ITPA: variants seen among roughly 807,000 people sequenced by gnomAD.
ITPA encodes inosine triphosphatase.
A neutral mutation model predicts 29.6 loss-of-function variants in ITPA; 29 were observed. The observed-to-expected ratio is 0.98, with a 90% CI of 0.73 to 1.34. The LOEUF (loss-of-function observed/expected upper bound fraction) is 1.34. Among genes scored for constraint, ITPA ranks in the 40% most tolerant of loss-of-function variants. The pLI, the probability that ITPA is intolerant of heterozygous loss-of-function variation, is 0.00. For missense variants in ITPA, 241 were observed against 251.5 expected, an observed-to-expected ratio of 0.96 and a Z score of 0.28; for synonymous variants, 103 against 99.3, an observed-to-expected ratio of 1.04 and a Z score of -0.22.
chr20:3,224,173 C>A (rs984177282), downstream of ITPA, among the ~76,000 whole-genome samples: 2 of 152,182 alleles, frequency 1.3e-5, no homozygotes, highest in African/African-American at 4.8e-5. Context: ...ACATCAGAGC[C>A]GCGAAAATGT....
At chr20:3,219,573 C>G (rs953690223) in intron 6 of ITPA, among the ~76,000 whole-genome samples, 2 of 151,484 alleles carry the variant, frequency 1.3e-5, no homozygotes, top group Non-Finnish European at 2.9e-5. Flanking sequence ...AGCAAAACCC[C>G]GTCTCAACTA....
At chr20:3,224,443 C>G (rs1411096763), downstream of ITPA, among the ~76,000 whole-genome samples, 1 of 152,210 alleles carries the variant, frequency 6.6e-6, no homozygotes, top group East Asian at 1.9e-4. Flanking sequence ...TGGGGCACCC[C>G]CAGGCTTGCT....
upstream of ITPA, chr20:3,209,312 T>C: frequency 3.4e-6 from 2 of 588,074 alleles, no homozygotes; most frequent in Non-Finnish European, 6.1e-6. This position sits in a 1 kb window ranked among gnomAD's most constrained non-coding sequence, Gnocchi z 4.6. Context: ...TAGCGTCCCT[T>C]AGGCAGGAGG....
chr20:3,222,294 C>T (rs912285641), intron 7 of ITPA, among the ~76,000 whole-genome samples: 6 of 150,244 alleles, frequency 4.0e-5, no homozygotes, highest in Non-Finnish European at 2.9e-5. Context: ...GTGATCTCAA[C>T]TCACTGCACC....
At chr20:3,211,877 CA>C (rs2067184066) in intron 1 of ITPA, among the ~76,000 whole-genome samples, 1 of 152,108 alleles carries the variant, frequency 6.6e-6, no homozygotes, top group Admixed American at 6.6e-5. Flanking sequence ...TTCAAATGTA[CA>C]AAATAAAATA....
chr20:3,209,367 G>C, upstream of ITPA: 1 of 680,876 alleles, frequency 1.5e-6, no homozygotes, highest in East Asian at 2.7e-5. The surrounding 1 kb of genome is among the most constrained non-coding windows in gnomAD (Gnocchi z 4.6). Context: ...CCAGCAAATC[G>C]GACGCTGTGG....
At chr20:3,225,772 T>G (rs2067548019), downstream of ITPA, among the ~76,000 whole-genome samples, 1 of 152,214 alleles carries the variant, frequency 6.6e-6, no homozygotes, top group African/African-American at 2.4e-5. Flanking sequence ...CTCATGCCTG[T>G]AATCCCAGCA....
chr20:3,206,055 C>CAAA (rs537649838), upstream of ITPA, among the ~76,000 whole-genome samples: 1 of 58,842 alleles, frequency 1.7e-5, no homozygotes, highest in Non-Finnish European at 3.9e-5. Context: ...GACTCTGTCT[C>CAAA]AAAAAAAAAA....
intron 6 of ITPA, among the ~76,000 whole-genome samples, chr20:3,221,001 T>A (rs1401672612): frequency 1.3e-5 from 2 of 152,242 alleles, no homozygotes; most frequent in Non-Finnish European, 2.9e-5. Flanking sequence ...GCTCAAGCAG[T>A]CTTCCCACCA....
chr20:3,223,689 C>T lies in ITPA; in HGVS notation c.*227C>T. The stretch of plus-strand genomic sequence containing the variant: ...CCTTAGGATTCACTGCTCTCTCCTA[C>T]AGCCGCCAGGCCTGGGGTCCTGAAA... On this transcript the variant is annotated 3_prime_UTR_variant, in exon 8 of 8. Transcript: ENST00000380113. 3.4e-6 allele frequency: 2 copies of T among 585,286 alleles called. No individual in the cohort carries two copies. The highest frequency in any genetic ancestry group is 4.0e-5 in the South Asian group (2 of 50,484). The allele number at this position is 585,286 out of a possible 1,614,324, so 36.3% of individuals were successfully genotyped here. A position where few individuals can be genotyped will look rare whatever the true frequency, so the allele number is the denominator to read the frequency against.
rs374526154 is a variant in ITPA, at chr20:3,222,616, G to C, written c.488+699G>C. Among the ~76,000 whole-genome samples, 6 of 152,276 alleles carry C rather than the reference G, an allele frequency of 3.9e-5. No individual in the cohort carries two copies. In the South Asian group the frequency reaches 8.3e-4, roughly 21 times the overall value. ...ACTATTTTATGCCCTCCAAGTACCA[G>C]TTGTTCTCTGTAGTTCGCACAAATC... On this transcript the variant is annotated intron_variant, in intron 7 of 7. Transcript: ENST00000380113.
intron 1 of ITPA, among the ~76,000 whole-genome samples, chr20:3,210,512 G>A (rs1485544720): frequency 6.6e-6 from 1 of 152,216 alleles, no homozygotes; most frequent in Non-Finnish European, 1.5e-5. Context: ...CACTGGATAT[G>A]TCTGAGGCAG....
In ITPA at chr20:3,220,132, C is replaced by T. The variant is rs959815466; in HGVS notation, c.411+1500C>T. ...ATTCAACACCCCCTACTGCCTATCACTGCTCACGACAGCCTCCACCTCCCA... is the reference window on the plus strand; with the variant it reads ...ATTCAACACCCCCTACTGCCTATCATTGCTCACGACAGCCTCCACCTCCCA... On this transcript the variant is annotated intron_variant, in intron 6 of 7. Transcript: ENST00000380113. Among the ~76,000 whole-genome samples the T allele has an allele frequency of 1.1e-4, 17 of 151,960 alleles. No individual in the cohort carries two copies. In the East Asian group the frequency reaches 3.3e-3, roughly 29 times the overall value.
chr20:3,217,037 C>G (rs192034960), intron 5 of ITPA, among the ~76,000 whole-genome samples: 1 of 152,182 alleles, frequency 6.6e-6, no homozygotes, highest in East Asian at 1.9e-4. Context: ...CCCACCACCA[C>G]GCCTAGCTAA....
chr20:3,207,284 T>G (rs1015139828), upstream of ITPA, among the ~76,000 whole-genome samples: 4 of 152,098 alleles, frequency 2.6e-5, no homozygotes, highest in East Asian at 7.7e-4. Context: ...AGAGACTGGG[T>G]TTCACCATGT....
downstream of ITPA, among the ~76,000 whole-genome samples, chr20:3,225,968 G>C (rs188063529): frequency 2.4e-3 from 367 of 152,372 alleles, no homozygotes; most frequent in Non-Finnish European, 4.0e-3. Flanking sequence ...GGCGGAGGTT[G>C]CAGTGAGCCG....
At chr20:3,211,003 A>G (rs13040402) in intron 1 of ITPA, among the ~76,000 whole-genome samples, 1 of 150,550 alleles carries the variant, frequency 6.6e-6, no homozygotes, top group East Asian at 2.0e-4. Context: ...GTGAGCTGAG[A>G]TGACGCCACT....
chr20:3,223,458 C>T lies in ITPA; in HGVS notation c.581C>T (p.Ala194Val). The change falls in exon 8 of 8, where the codon GCT becomes GTT. Residue 194 changes from alanine (A) to valine (V), a missense_variant. Ala to Val is a moderately conservative substitution (Grantham distance 64). Coordinates refer to ENST00000380113, the MANE Select transcript of ITPA (RefSeq NM_033453.4). ...ELQEYFGSLA[A>V] ...CAGGAGTACTTTGGCAGTTTGGCAG[C>T]TTGACTTCTGCAGCTGGAGGAGGCC... 6.2e-7 allele frequency: 1 copy of T among 1,611,574 alleles called. No homozygotes were observed. The highest frequency in any genetic ancestry group is 1.1e-5 in the South Asian group (1 of 90,540).
upstream of ITPA, chr20:3,209,138 GAAGCCCTTGCCTAGAAGGA>G (rs1031884366): frequency 3.2e-6 from 1 of 316,822 alleles, no homozygotes; most frequent in African/African-American, 2.2e-5. This position sits in a 1 kb window ranked among gnomAD's most constrained non-coding sequence, Gnocchi z 4.6. Context: ...TGAGGGTTTG[GAAGCCCTTGCCTAGAAGGA>G]GGCAGTTTTT....
Sources: gnomAD v4.1 joint callset for allele counts (sites outside exome capture counted in the v4.1 genomes callset) on GRCh38, gnomAD v4.1.1 for gene constraint, Gnocchi (gnomAD v3.1) non-coding constraint, MANE v1.5 for transcripts, NCBI Gene and HGNC (gene_info 2026-07-23, HGNC 2026-07-21) for gene names.